Variants in GSE1 observed in about 807,000 individuals in gnomAD.
The protein encoded by GSE1 is genetic suppressor element 1.
Under a neutral mutation model 112.6 loss-of-function variants are expected in GSE1, and 32 were observed. The observed-to-expected ratio is 0.28, with a 90% CI of 0.21 to 0.38. The LOEUF (loss-of-function observed/expected upper bound fraction) is 0.38, where lower values mean the gene tolerates loss of function less well. Among genes scored for constraint, GSE1 ranks in the 10% least tolerant of loss-of-function variants. GSE1 has a pLI of 1.00. For missense variants in GSE1, 2,348 were observed against 1,699.2 expected, an observed-to-expected ratio of 1.38 and a Z score of -6.71; for synonymous variants, 1,115 against 735.6, an observed-to-expected ratio of 1.52 and a Z score of -8.35.
chr16:85,372,195 A>G (rs1035869030), intron 2 of GSE1, among the ~76,000 whole-genome samples: 1 of 152,118 alleles, frequency 6.6e-6, no homozygotes, highest in African/African-American at 2.4e-5. Flanking sequence ...ATTTGATTTC[A>G]TTAAGAAGGA....
chr16:85,278,279 TGAG>T (rs1204211535), intron 1 of GSE1, among the ~76,000 whole-genome samples: 1 of 152,202 alleles, frequency 6.6e-6, no homozygotes, highest in African/African-American at 2.4e-5. Flanking sequence ...TTCTTGCTCC[TGAG>T]TAGTGAGGCC....
chr16:85,620,638 A>G (rs1479560819), intron 1 of GSE1, among the ~76,000 whole-genome samples: 1 of 152,282 alleles, frequency 6.6e-6, no homozygotes, highest in Non-Finnish European at 1.5e-5. Flanking sequence ...ATAAGAAAAC[A>G]GGGTTTCGGA....
intron 1 of GSE1, among the ~76,000 whole-genome samples, chr16:85,235,031 A>G (rs1342290204): frequency 6.6e-6 from 1 of 151,088 alleles, no homozygotes; most frequent in Non-Finnish European, 1.5e-5. Flanking sequence ...CAGGACCCTC[A>G]GAGATGGGAC....
intron 2 of GSE1, among the ~76,000 whole-genome samples, chr16:85,379,340 C>T (rs915898553): frequency 2.6e-5 from 4 of 152,228 alleles, no homozygotes; most frequent in African/African-American, 9.6e-5. Context: ...CTCCATCACC[C>T]CCAGTGCCTA....
chr16:85,581,609 T>G (rs1162109398), intron 1 of GSE1, among the ~76,000 whole-genome samples: 1 of 152,174 alleles, frequency 6.6e-6, no homozygotes, highest in Non-Finnish European at 1.5e-5. Flanking sequence ...AGCATGCGTC[T>G]CTGTGCATGC....
intron 2 of GSE1, among the ~76,000 whole-genome samples, chr16:85,493,809 A>T (rs1258837878): frequency 6.6e-6 from 1 of 151,522 alleles, no homozygotes; most frequent in African/African-American, 2.4e-5. Context: ...AAAAAAAAAA[A>T]GCCAGCTGTG....
rs543792590 is a variant in GSE1, at chr16:85,673,336, TAAA to T, written c.*805_*807del. 1.3e-5 allele frequency: 2 copies of T among 148,874 alleles called. No individual in the cohort carries two copies. The highest frequency in any genetic ancestry group is 2.1e-4 in the South Asian group (1 of 4,680). 9.2% of individuals were successfully genotyped at this position (148,874 alleles called of 1,614,324 possible). On this transcript the variant is annotated 3_prime_UTR_variant, in exon 16 of 16. Transcript: ENST00000253458. ...TCAGCCTTGTACTGTGTATATATAT[TAAA>T]AAAAAAACAAAGTTTTGTATGTTTT...
At chr16:85,659,351 T>G (rs2052238565) in intron 8 of GSE1, 1 of 152,126 alleles carries the variant, frequency 6.6e-6, no homozygotes, top group African/African-American at 2.4e-5. Context: ...CCTGTGAGTA[T>G]ATCTCCCTTT....
upstream of GSE1, among the ~76,000 whole-genome samples, chr16:85,553,327 G>C (rs564159297): frequency 1.1e-4 from 16 of 150,906 alleles, no homozygotes; most frequent in Admixed American, 9.9e-4. Flanking sequence ...CGGGTGCAAG[G>C]GGAGGCGCAG....
upstream of GSE1, chr16:85,555,615 C>G (rs1348744714): frequency 4.2e-6 from 4 of 941,902 alleles, no homozygotes; most frequent in African/African-American, 5.7e-5. Flanking sequence ...CACCCAGTAG[C>G]TAAGGGGAAA....
chr16:85,320,690 C>G (rs534384559), intron 1 of GSE1, among the ~76,000 whole-genome samples: 1 of 152,324 alleles, frequency 6.6e-6, no homozygotes, highest in Non-Finnish European at 1.5e-5. Context: ...AGGTCATATT[C>G]TGAGGTTTTG....
At chr16:85,389,769 C>A (rs2151642191) in intron 2 of GSE1, among the ~76,000 whole-genome samples, 1 of 152,276 alleles carries the variant, frequency 6.6e-6, no homozygotes, top group East Asian at 1.9e-4. Context: ...CCTGAACTAA[C>A]CCATTGAATC....
upstream of GSE1, among the ~76,000 whole-genome samples, chr16:85,611,742 C>CT (rs1167979285): frequency 6.6e-6 from 1 of 152,076 alleles, no homozygotes; most frequent in Non-Finnish European, 1.5e-5. Flanking sequence ...CAGGCTGGTT[C>CT]TGCTCCCCGC....
chr16:85,332,412 T>A (rs2046394871), intron 1 of GSE1, among the ~76,000 whole-genome samples: 1 of 152,130 alleles, frequency 6.6e-6, no homozygotes, highest in Admixed American at 6.5e-5. Flanking sequence ...CCAGCAACCC[T>A]ACGAAGTCAG....
intron 1 of GSE1, among the ~76,000 whole-genome samples, chr16:85,298,816 C>G (rs549582187): frequency 5.3e-5 from 8 of 152,340 alleles, no homozygotes; most frequent in African/African-American, 1.9e-4. Flanking sequence ...ACAGGTAGGG[C>G]AGGGGCACTC....
At chr16:85,667,966 A>ATGCTGGGTC (rs11268657) in intron 13 of GSE1, among the ~76,000 whole-genome samples, 174 bp from the exon 14 acceptor site, 14 of 151,570 alleles carry the variant, frequency 9.2e-5, no homozygotes, top group East Asian at 7.8e-4. Context: ...GGACTTTCTC[A>ATGCTGGGTC]AGTGGCCCAG....
chr16:85,378,288 G>A (rs1003355234), intron 2 of GSE1, among the ~76,000 whole-genome samples: 9 of 152,176 alleles, frequency 5.9e-5, no homozygotes, highest in African/African-American at 1.9e-4. Flanking sequence ...CTGGGTCGGT[G>A]TCCTCCATGC....
At chr16:85,278,331 C>A (rs992298914) in intron 1 of GSE1, among the ~76,000 whole-genome samples, 14 of 152,218 alleles carry the variant, frequency 9.2e-5, no homozygotes, top group African/African-American at 2.4e-4. Flanking sequence ...TCCACACATG[C>A]CTGAAGCAGG....
chr16:85,671,453 AAAAAG>A lies in GSE1; in HGVS notation c.3519+357_3519+361del, dbSNP rs1379659960. Among the ~76,000 whole-genome samples, 10 of 149,020 alleles carry A rather than the reference AAAAAG, an allele frequency of 6.7e-5. 2 individuals carry two copies. The highest frequency in any genetic ancestry group is 2.0e-4 in the East Asian group (1 of 5,048). On this transcript the variant is annotated intron_variant, in intron 15 of 15. Transcript: ENST00000253458. ...AGACTCCGTCTCAAAAAAAAAAAAA[AAAAAG>A]ATCAAAATTTGGACTGCATGCAATG... is the stretch of plus-strand genomic sequence containing the variant.
Sources: allele counts gnomAD v4.1 joint callset (sites outside exome capture counted in the v4.1 genomes callset), GRCh38; gene constraint gnomAD v4.1.1; transcripts MANE v1.5; gene names NCBI Gene and HGNC (gene_info 2026-07-23, HGNC 2026-07-21).